The following ANGPT1 variants were observed in gnomAD, a reference collection of about 807,000 sequenced individuals.
ANGPT1 encodes angiopoietin-1.
ANGPT1 carries 17 observed loss-of-function variants against 62.2 expected under a neutral mutation model. That is an observed-to-expected ratio of 0.27 (90% confidence interval 0.19 to 0.41). The LOEUF (loss-of-function observed/expected upper bound fraction) is 0.41, where lower values mean the gene tolerates loss of function less well. Among genes scored for constraint, ANGPT1 ranks in the 10% least tolerant of loss-of-function variants. The pLI is 1.00. For synonymous variants in ANGPT1, 199 were observed against 198.9 expected (o/e 1.00, Z 0.00); for missense variants, 478 against 594.9 (o/e 0.80, Z 2.04).
intron 6 of ANGPT1, among the ~76,000 whole-genome samples, chr8:107,285,341 T>C (rs560265328): frequency 8.5e-5 from 13 of 152,268 alleles, no homozygotes; most frequent in Non-Finnish European, 1.8e-4. Context: ...GCAAAAGTAA[T>C]TGCAGTTTTT....
At chr8:107,458,599 A>AAT (rs965427690) in intron 1 of ANGPT1, among the ~76,000 whole-genome samples, 8 of 152,312 alleles carry the variant, frequency 5.3e-5, no homozygotes, top group African/African-American at 1.9e-4. Flanking sequence ...AAGGAATGTG[A>AAT]ATATATATAT....
At chr8:107,363,977 T>C (rs974663647) in intron 1 of ANGPT1, among the ~76,000 whole-genome samples, 6 of 152,216 alleles carry the variant, frequency 3.9e-5, no homozygotes, top group African/African-American at 1.4e-4. Flanking sequence ...GCTGACTGAC[T>C]AATACTACAG....
chr8:107,257,067 C>G (rs1375714544), intron 8 of ANGPT1, among the ~76,000 whole-genome samples: 1 of 152,084 alleles, frequency 6.6e-6, no homozygotes, highest in Non-Finnish European at 1.5e-5. Flanking sequence ...GCCATGTTGG[C>G]CAGGCTGGTC....
At chr8:107,371,994 T>C (rs1008587539) in intron 1 of ANGPT1, among the ~76,000 whole-genome samples, 2 of 152,152 alleles carry the variant, frequency 1.3e-5, no homozygotes, top group Non-Finnish European at 2.9e-5. Context: ...TGAAAATATA[T>C]GTATCATACC....
intron 4 of ANGPT1, among the ~76,000 whole-genome samples, chr8:107,304,532 T>G (rs1586205739): frequency 6.6e-6 from 1 of 151,920 alleles, no homozygotes; most frequent in South Asian, 2.1e-4. Flanking sequence ...TTTACATTAA[T>G]TTTAAATGAT....
intron 4 of ANGPT1, among the ~76,000 whole-genome samples, chr8:107,321,612 G>A (rs1157507311): frequency 6.6e-6 from 1 of 152,010 alleles, no homozygotes; most frequent in Non-Finnish European, 1.5e-5. Context: ...ATTTATTCAC[G>A]ACAGTATCAC....
chr8:107,329,551 C>T (rs926200432), intron 3 of ANGPT1, among the ~76,000 whole-genome samples: 2 of 151,964 alleles, frequency 1.3e-5, no homozygotes, highest in Non-Finnish European at 2.9e-5. Context: ...GGTGTAAACA[C>T]GATCTCTATT....
chr8:107,314,886 T>G (rs1281619680), intron 4 of ANGPT1, among the ~76,000 whole-genome samples: 1 of 152,230 alleles, frequency 6.6e-6, no homozygotes. Context: ...TCCCATCACT[T>G]GTGATGTTTT....
At chr8:107,363,601 G>A (rs918835256) in intron 1 of ANGPT1, among the ~76,000 whole-genome samples, 13 of 152,100 alleles carry the variant, frequency 8.5e-5, no homozygotes, top group African/African-American at 2.9e-4. Flanking sequence ...TAGAAAAAGC[G>A]AAGAATAATG....
At chr8:107,466,192 G>C (rs1450184759) in intron 1 of ANGPT1, among the ~76,000 whole-genome samples, 3 of 152,114 alleles carry the variant, frequency 2.0e-5, no homozygotes, top group African/African-American at 7.2e-5. Context: ...CATTTACTGA[G>C]TACAAAATAT....
At chr8:107,308,699 A>C (rs1462179438) in intron 4 of ANGPT1, among the ~76,000 whole-genome samples, 3 of 152,222 alleles carry the variant, frequency 2.0e-5, no homozygotes, top group African/African-American at 7.2e-5. Flanking sequence ...TCAGCAAATA[A>C]ATCTAGAAAG....
chr8:107,257,876 G>GTTTTTTGTTTTTTTT (rs1371396961), intron 8 of ANGPT1, among the ~76,000 whole-genome samples: 2 of 85,302 alleles, frequency 2.3e-5, no homozygotes, highest in African/African-American at 9.3e-5. Flanking sequence ...ACTTGTTTTT[G>GTTTTTTGTTTTTTTT]TTTCTTTTTT....
At chr8:107,425,617 A>G (rs1811020361) in intron 1 of ANGPT1, among the ~76,000 whole-genome samples, 1 of 152,158 alleles carries the variant, frequency 6.6e-6, no homozygotes, top group African/African-American at 2.4e-5. Context: ...ATAGAAACTA[A>G]ATCCCTTGAC....
At chr8:107,327,681 C>A (rs560510255) in intron 3 of ANGPT1, among the ~76,000 whole-genome samples, 1 of 152,016 alleles carries the variant, frequency 6.6e-6, no homozygotes, top group Non-Finnish European at 1.5e-5. Flanking sequence ...GCTAGAAATC[C>A]AAGGAGAGAG....
chr8:107,293,267 G>GTGAA (rs1336821900), intron 6 of ANGPT1, among the ~76,000 whole-genome samples: 1 of 151,980 alleles, frequency 6.6e-6, no homozygotes, highest in East Asian at 1.9e-4. Context: ...ACCCCAGTGA[G>GTGAA]CCATGGCTCA....
intron 1 of ANGPT1, among the ~76,000 whole-genome samples, chr8:107,480,057 C>A (rs1812636215): frequency 6.6e-6 from 1 of 152,114 alleles, no homozygotes; most frequent in Non-Finnish European, 1.5e-5. Flanking sequence ...TACTGGAATG[C>A]AATCTTCTGG....
At chr8:107,256,770 G>A (rs1042993509) in intron 8 of ANGPT1, among the ~76,000 whole-genome samples, 8 of 151,416 alleles carry the variant, frequency 5.3e-5, no homozygotes, top group Non-Finnish European at 1.0e-4. Flanking sequence ...GCAAAGGATT[G>A]AAAAAAAAGT....
rs1332867072 is a variant in ANGPT1 at position 107,250,770 on chromosome 8, A to G, written c.*1085T>C. ...TGAATCTGGTAAGCATGTTTCAGTTAATTAGCAAAATTTAAATTAGCAAGA... is the reference window on the plus strand; with the variant it reads ...TGAATCTGGTAAGCATGTTTCAGTTGATTAGCAAAATTTAAATTAGCAAGA... On this transcript the variant is annotated 3_prime_UTR_variant, in exon 9 of 9. Transcript: ENST00000517746. The G allele has an allele frequency of 6.6e-6, 1 of 152,094 alleles. No individual in the cohort carries two copies. 9.4% of individuals were successfully genotyped at this position (152,094 alleles called of 1,614,324 possible). A position where few individuals can be genotyped will look rare whatever the true frequency, so the allele number is the denominator to read the frequency against.
chr8:107,401,212 C>T (rs1299081307), intron 1 of ANGPT1, among the ~76,000 whole-genome samples: 3 of 151,814 alleles, frequency 2.0e-5, no homozygotes, highest in Non-Finnish European at 4.4e-5. Context: ...ATTTTTCTAC[C>T]GTTTAGCACT....
Sources: gnomAD v4.1 joint callset for allele counts (sites outside exome capture counted in the v4.1 genomes callset) on GRCh38, gnomAD v4.1.1 for gene constraint, MANE v1.5 for transcripts, NCBI Gene and HGNC (gene_info 2026-07-23, HGNC 2026-07-21) for gene names.